Variants in TEX14 observed in about 807,000 individuals in gnomAD.
The protein encoded by TEX14 is inactive serine/threonine-protein kinase TEX14.
In TEX14, 168 loss-of-function variants were observed where a neutral mutation model predicts 178.6. The ratio of observed to expected loss-of-function variants is 0.94; its 90% CI spans 0.83 to 1.07. The LOEUF is 1.07. TEX14 is among the 50% of genes least tolerant of loss of function. The pLI, the probability that TEX14 is intolerant of heterozygous loss-of-function variation, is 0.00. For synonymous variants in TEX14, 626 were observed against 634.1 expected (o/e 0.99, Z 0.19); for missense variants, 1,730 against 1,753.6 (o/e 0.99, Z 0.24).
chr17:58,600,308 G>A (rs1302124176), intron 13 of TEX14, among the ~76,000 whole-genome samples: 2 of 151,858 alleles, frequency 1.3e-5, no homozygotes, highest in Non-Finnish European at 2.9e-5. Flanking sequence ...TGGATCACTT[G>A]AGGTCAGGAG....
chr17:58,676,518 C>T (rs571222743), intron 1 of TEX14, among the ~76,000 whole-genome samples: 21 of 152,172 alleles, frequency 1.4e-4, no homozygotes, highest in Non-Finnish European at 2.9e-4. Context: ...CAAGATCATG[C>T]CATTGCACTC....
chr17:58,657,697 TC>T (rs1474682649), intron 1 of TEX14, among the ~76,000 whole-genome samples: 2 of 151,994 alleles, frequency 1.3e-5, no homozygotes, highest in African/African-American at 4.8e-5. Flanking sequence ...GCTTCTAACT[TC>T]CAAGCTGTCC....
intron 1 of TEX14, among the ~76,000 whole-genome samples, chr17:58,680,721 G>A (rs774269552): frequency 6.6e-6 from 1 of 151,966 alleles, no homozygotes; most frequent in Non-Finnish European, 1.5e-5. Context: ...GGGCGACAGA[G>A]CAAGACTCTG....
At chr17:58,589,557 C>CA (rs71143254) in intron 15 of TEX14, among the ~76,000 whole-genome samples, 955 of 56,378 alleles carry the variant, frequency 0.017, 25 homozygotes, top group African/African-American at 0.05. Context: ...GACTCCGTCT[C>CA]AAAAAAAAAA....
In TEX14 at chr17:58,661,975, C is replaced by T. The variant is rs548472350; in HGVS notation, c.-1-9973G>A. ...CTGCTGCCCCCTGTACTTTGGGACC[C>T]CCAAAGTGACTTTGCCAAGATTCAA... On this transcript the variant is annotated intron_variant, in intron 1 of 31. Transcript: ENST00000349033. 472 of 179,220 alleles carry T rather than the reference C, an allele frequency of 2.6e-3. 1 individual carries two copies. Among genetic ancestry groups the T allele is most frequent in the Non-Finnish European group, 4.2e-3 (366 of 87,114 alleles). The allele number at this position is 179,220 out of a possible 1,614,324, so 11.1% of individuals were successfully genotyped here. A position where few individuals can be genotyped will look rare whatever the true frequency, so the allele number is the denominator to read the frequency against.
chr17:58,590,274 A>C (rs1026231801), intron 15 of TEX14, among the ~76,000 whole-genome samples: 109 of 151,462 alleles, frequency 7.2e-4, no homozygotes, highest in Non-Finnish European at 1.3e-3. Flanking sequence ...AAAAAAAAAA[A>C]AAAAAACCAT....
chr17:58,680,895 A>G (rs1282211743), intron 1 of TEX14, among the ~76,000 whole-genome samples: 1 of 152,208 alleles, frequency 6.6e-6, no homozygotes, highest in East Asian at 1.9e-4. Flanking sequence ...TTCTGCCAAA[A>G]TAAATTAGCC....
intron 9 of TEX14, among the ~76,000 whole-genome samples, chr17:58,612,434 T>A (rs1283980093): frequency 2.0e-5 from 3 of 151,952 alleles, no homozygotes; most frequent in Admixed American, 2.0e-4. Flanking sequence ...ATTAAAATTT[T>A]AAAAATTAGC....
intron 19 of TEX14, among the ~76,000 whole-genome samples, chr17:58,582,559 C>G (rs1352799683): frequency 1.3e-5 from 2 of 149,922 alleles, no homozygotes; most frequent in African/African-American, 4.9e-5. Flanking sequence ...ACCCGGCCTG[C>G]AAATTTCTTT....
intron 2 of TEX14, among the ~76,000 whole-genome samples, chr17:58,643,055 C>T (rs973896861): frequency 2.6e-5 from 4 of 152,244 alleles, no homozygotes; most frequent in African/African-American, 4.8e-5. Context: ...ATCTCCAGCA[C>T]ATTGCCTGGC....
intron 10 of TEX14, among the ~76,000 whole-genome samples, chr17:58,610,252 A>T (rs1057300912): frequency 5.3e-5 from 8 of 152,202 alleles, no homozygotes; most frequent in African/African-American, 1.9e-4. Flanking sequence ...CAGATGTAGG[A>T]GGTGTGACAG....
At position 58,563,621 on chromosome 17, in the gene TEX14, T is replaced by TTATATA. The variant is rs3034889; in HGVS notation, c.4064+1242_4064+1247dup. Among the ~76,000 whole-genome samples, 220 of 46,314 alleles carry TTATATA rather than the reference T, an allele frequency of 4.8e-3. 1 individual carries two copies. Among genetic ancestry groups the TTATATA allele is most frequent in the Middle Eastern group, 0.019 (1 of 52 alleles). The allele number at this position is 46,314 out of a possible 152,430, so 30.4% of individuals were successfully genotyped here. ...GGGCAACATAAAGCCCATCTCTAAT[T>TTATATA]TATATATATATATATATATATATAT... On this transcript the variant is annotated intron_variant, in intron 28 of 31. Transcript: ENST00000349033.
intron 5 of TEX14, among the ~76,000 whole-genome samples, chr17:58,621,141 A>C (rs1211369556): frequency 6.6e-6 from 1 of 152,198 alleles, no homozygotes; most frequent in Non-Finnish European, 1.5e-5. Context: ...GCATGGAGAA[A>C]AGCATGGAGC....
At chr17:58,650,388 A>G (rs1044899563) in intron 2 of TEX14, among the ~76,000 whole-genome samples, 1 of 152,158 alleles carries the variant, frequency 6.6e-6, no homozygotes, top group African/African-American at 2.4e-5. Context: ...ATTTTAAAAC[A>G]TATGTGGATA....
chr17:58,652,951 T>C (rs902464930), intron 1 of TEX14, among the ~76,000 whole-genome samples: 5 of 152,114 alleles, frequency 3.3e-5, no homozygotes, highest in African/African-American at 4.8e-5. Context: ...TCTTTTTTTG[T>C]GTATGTGACG....
chr17:58,639,079 A>G (rs1467088261), intron 2 of TEX14, among the ~76,000 whole-genome samples: 1 of 150,534 alleles, frequency 6.6e-6, no homozygotes, highest in African/African-American at 2.4e-5. Context: ...GTTAGCCAGG[A>G]TGGTCTTGAT....
chr17:58,619,775 G>A (rs2045955100), intron 5 of TEX14, among the ~76,000 whole-genome samples: 1 of 148,392 alleles, frequency 6.7e-6, no homozygotes, highest in Admixed American at 6.8e-5. Context: ...TCCTGCCTGG[G>A]CGACAGAGAA....
chr17:58,635,813 C>T (rs1784807054), intron 2 of TEX14, among the ~76,000 whole-genome samples: 1 of 152,004 alleles, frequency 6.6e-6, no homozygotes, highest in Non-Finnish European at 1.5e-5. Context: ...CTCACCACAA[C>T]CTCCAGCCTC....
At chr17:58,663,063 G>A (rs1395198012) in intron 1 of TEX14, among the ~76,000 whole-genome samples, 1 of 149,776 alleles carries the variant, frequency 6.7e-6, no homozygotes, top group South Asian at 2.1e-4. Flanking sequence ...GAGCCGAGAT[G>A]GCACCACTGC....
Sources: gnomAD v4.1 joint callset for allele counts (sites outside exome capture counted in the v4.1 genomes callset) on GRCh38, gnomAD v4.1.1 for gene constraint, MANE v1.5 for transcripts, NCBI Gene and HGNC (gene_info 2026-07-23, HGNC 2026-07-21) for gene names.